Variants in CACNG6 observed in about 807,000 individuals in gnomAD.
CACNG6 encodes the protein calcium voltage-gated channel auxiliary subunit gamma 6, also known as voltage-dependent calcium channel gamma-6 subunit.
Under a neutral mutation model 23.9 loss-of-function variants are expected in CACNG6, and 21 were observed. The ratio of observed to expected loss-of-function variants is 0.88; its 90% CI spans 0.62 to 1.26. The LOEUF is 1.26. Among genes scored for constraint, CACNG6 ranks in the 50% most tolerant of loss-of-function variants. The pLI is 0.00. For missense variants in CACNG6, 340 were observed against 352.9 expected, an observed-to-expected ratio of 0.96 and a Z score of 0.29; for synonymous variants, 182 against 168.9, an observed-to-expected ratio of 1.08 and a Z score of -0.60.
Position 53,992,642 on chromosome 19 carries a change from C to A in CACNG6, c.-236C>A. On this transcript the variant is annotated 5_prime_UTR_variant, in exon 1 of 4. Transcript: ENST00000252729. This position sits in a 1 kb window ranked among gnomAD's most constrained non-coding sequence, Gnocchi z 4.1. Reference sequence around the variant, plus strand: ...GTTCTTGAGGGCAACCTAGACCCTCCTCTGAACCCCAGAGGCTTCCCCAGC... The same window carrying A: ...GTTCTTGAGGGCAACCTAGACCCTCATCTGAACCCCAGAGGCTTCCCCAGC... 5.8e-6 allele frequency: 2 copies of A among 345,338 alleles called. No individual in the cohort carries two copies. The allele number at this position is 345,338 out of a possible 1,614,324, so 21.4% of individuals were successfully genotyped here.
Position 54,005,744 on chromosome 19 carries a change from C to G in CACNG6, c.544+5973C>G, listed in dbSNP as rs1285615849. ...CTCCAGCCTGGGCAACAGAGTGAGA[C>G]TCCCTCTTAAAATAAAATAAAATAA... On this transcript the variant is annotated intron_variant, in intron 3 of 3. Transcript: ENST00000252729. Among the ~76,000 whole-genome samples the G allele has an allele frequency of 9.4e-5, 14 of 149,044 alleles. No homozygotes were observed. The South Asian group carries it at 3.0e-3, about 32-fold the overall frequency.
At chr19:53,994,957 C>G (rs117326757) in intron 1 of CACNG6, among the ~76,000 whole-genome samples, 4 of 152,078 alleles carry the variant, frequency 2.6e-5, no homozygotes, top group Non-Finnish European at 5.9e-5. Context: ...TTATGTAATG[C>G]CTGGTTCTCA....
chr19:53,999,213 G>A (rs914311005), intron 2 of CACNG6, among the ~76,000 whole-genome samples: 1 of 152,104 alleles, frequency 6.6e-6, no homozygotes, highest in Non-Finnish European at 1.5e-5. Flanking sequence ...AATTCCTACT[G>A]GAATCTGGAA....
intron 3 of CACNG6, among the ~76,000 whole-genome samples, chr19:54,001,483 C>T (rs1389813598): frequency 6.6e-6 from 1 of 152,170 alleles, no homozygotes; most frequent in Non-Finnish European, 1.5e-5. Context: ...GCCACCGCGC[C>T]CGGCCAAGAC....
intron 1 of CACNG6, among the ~76,000 whole-genome samples, chr19:53,993,903 G>C (rs1351894549): frequency 6.6e-6 from 1 of 151,852 alleles, no homozygotes; most frequent in Admixed American, 6.6e-5. Context: ...TACAGCTCTA[G>C]AGAGAGCCTG....
intron 3 of CACNG6, among the ~76,000 whole-genome samples, chr19:54,005,122 T>G (rs1259688712): frequency 6.6e-6 from 1 of 151,204 alleles, no homozygotes; most frequent in East Asian, 1.9e-4. Context: ...GGCGGGAGAA[T>G]CGCTTGAACC....
chr19:54,003,510 G>A (rs1287443375), intron 3 of CACNG6, among the ~76,000 whole-genome samples: 3 of 151,992 alleles, frequency 2.0e-5, no homozygotes, highest in African/African-American at 7.3e-5. Flanking sequence ...ACAGGTGCCT[G>A]CCACCACACC....
intron 1 of CACNG6, 143 bp from the exon 2 acceptor site, chr19:53,998,096 T>C: frequency 1.6e-6 from 1 of 637,604 alleles, no homozygotes. Context: ...CTTTCACACC[T>C]CTGGGCATCA....
In CACNG6 at chr19:54,004,969, T is replaced by C. The variant is rs954832106; in HGVS notation, c.544+5198T>C. On this transcript the variant is annotated intron_variant, in intron 3 of 3. Transcript: ENST00000252729. ...GCTCACGCCTGTAATCCCAACACTT[T>C]GGGAGGCCGAGGCAGGTGGCTCACA... 6.6e-4 allele frequency among the ~76,000 whole-genome samples: 95 copies of C among 144,374 alleles called. 2 individuals are homozygous for C. Among genetic ancestry groups the C allele is most frequent in the South Asian group, 1.0e-3 (5 of 4,796 alleles). The allele number at this position is 144,374 out of a possible 152,430, so 94.7% of individuals were successfully genotyped here. A position where few individuals can be genotyped will look rare whatever the true frequency, so the allele number is the denominator to read the frequency against.
chr19:53,993,075 CACCTACAAGGCCA>C lies in CACNG6; in HGVS notation c.201_213del (p.Tyr68AlafsTer66), dbSNP rs1278624528. ...GCACCGAGTTCTGGGTGGAGCTCAA[CACCTACAAGGCCA>C]ACGGCAGCGCCGTGTGCGAAGCGGC... On this transcript the variant is annotated frameshift_variant, in exon 1 of 4. Transcript: ENST00000252729. LOFTEE classifies it high-confidence loss of function. 13 of 1,538,888 alleles carry C rather than the reference CACCTACAAGGCCA, an allele frequency of 8.4e-6. No individual in the cohort carries two copies. The highest frequency in any genetic ancestry group is 2.8e-5 in the African/African-American group (2 of 71,736).
intron 3 of CACNG6, among the ~76,000 whole-genome samples, chr19:54,004,385 GTGTGTGT>G (rs2069615682): frequency 8.2e-6 from 1 of 121,842 alleles, no homozygotes; most frequent in African/African-American, 3.0e-5. Flanking sequence ...GTGTGTGTGT[GTGTGTGT>G]TTAGTAGAGA....
intron 3 of CACNG6, among the ~76,000 whole-genome samples, chr19:54,008,480 T>A (rs1317529766): frequency 6.6e-6 from 1 of 152,168 alleles, no homozygotes. Context: ...AGAAGGCGGC[T>A]GGGATCCATG....
Position 54,005,309 on chromosome 19 carries a change from C to A in CACNG6, c.544+5538C>A, listed in dbSNP as rs149420609. On this transcript the variant is annotated intron_variant, in intron 3 of 3. Transcript: ENST00000252729. ...GGCGCGGTGGCTCACGCCTGCAATC[C>A]CAGCACTTTGGGAGGGCGAGGTACG... 7.5e-3 allele frequency among the ~76,000 whole-genome samples: 1,129 copies of A among 151,458 alleles called. 21 individuals are homozygous for A. The highest frequency in any genetic ancestry group is 0.026 in the African/African-American group (1,074 of 41,384).
At chr19:54,001,377 CAG>C (rs1404373017) in intron 3 of CACNG6, among the ~76,000 whole-genome samples, 2 of 152,086 alleles carry the variant, frequency 1.3e-5, no homozygotes, top group East Asian at 3.9e-4. Flanking sequence ...TTAGTAGAGA[CAG>C]GGTTTCATCA....
intron 1 of CACNG6, among the ~76,000 whole-genome samples, chr19:53,996,391 C>G (rs965088472): frequency 9.7e-6 from 1 of 102,992 alleles, no homozygotes; most frequent in Non-Finnish European, 2.0e-5. Flanking sequence ...TAAAATTTCT[C>G]TCTCTCTCTT....
At chr19:53,991,440 G>A (rs940745581), upstream of CACNG6, among the ~76,000 whole-genome samples, 14 of 151,884 alleles carry the variant, frequency 9.2e-5, no homozygotes, top group Admixed American at 2.6e-4. Flanking sequence ...GTCCCATCAG[G>A]CTCGGCCCCT....
At chr19:53,991,436 T>C (rs1384555836), upstream of CACNG6, among the ~76,000 whole-genome samples, 1 of 151,624 alleles carries the variant, frequency 6.6e-6, no homozygotes, top group Non-Finnish European at 1.5e-5. Flanking sequence ...GAAAGTCCCA[T>C]CAGGCTCGGC....
intron 3 of CACNG6, among the ~76,000 whole-genome samples, chr19:54,001,667 T>A (rs1396900600): frequency 6.6e-6 from 1 of 152,164 alleles, no homozygotes; most frequent in Non-Finnish European, 1.5e-5. Context: ...AGAGGGCCTC[T>A]CTGGGGAGGT....
chr19:53,993,773 C>T (rs2069493287), intron 1 of CACNG6, among the ~76,000 whole-genome samples: 1 of 151,484 alleles, frequency 6.6e-6, no homozygotes, highest in South Asian at 2.1e-4. Flanking sequence ...CAGCCTGTGC[C>T]CTCAGATCAG....
Sources: allele counts gnomAD v4.1 joint callset (sites outside exome capture counted in the v4.1 genomes callset), GRCh38; gene constraint gnomAD v4.1.1; non-coding constraint Gnocchi (gnomAD v3.1); transcripts MANE v1.5; gene names NCBI Gene and HGNC (gene_info 2026-07-23, HGNC 2026-07-21).